The following NCOA7 variants were observed in gnomAD, a reference collection of about 807,000 sequenced individuals.
NCOA7 encodes 140 kDa estrogen receptor-associated protein.
NCOA7 carries 45 observed loss-of-function variants against 104.3 expected under a neutral mutation model. The ratio of observed to expected loss-of-function variants is 0.43; its 90% CI spans 0.34 to 0.55. NCOA7 has a LOEUF of 0.55. Among genes scored for constraint, NCOA7 ranks in the 20% least tolerant of loss-of-function variants. The probability of loss-of-function intolerance (pLI) is 0.02; values close to 1 mark genes in which losing one functional copy is unlikely to be tolerated. For missense variants in NCOA7, 1,041 were observed against 1,119.7 expected, an observed-to-expected ratio of 0.93 and a Z score of 1.00; for synonymous variants, 398 against 402.3, an observed-to-expected ratio of 0.99 and a Z score of 0.13.
At chr6:125,923,858 G>T (rs1026896360) in intron 13 of NCOA7, among the ~76,000 whole-genome samples, 1 of 152,172 alleles carries the variant, frequency 6.6e-6, no homozygotes, top group African/African-American at 2.4e-5. Flanking sequence ...TTGCTGTCAT[G>T]ATTTGCCTTG....
intron 11 of NCOA7, 96 bp downstream of exon 11, chr6:125,915,576 A>AG: frequency 6.9e-7 from 1 of 1,459,280 alleles, no homozygotes; most frequent in Non-Finnish European, 9.5e-7. Flanking sequence ...AAGAAACTAG[A>AG]GTCCCTGTGC....
rs139536681 is a variant in NCOA7, at chr6:125,821,340, G to A, written c.50+5936G>A. 3.6e-3 allele frequency among the ~76,000 whole-genome samples: 547 copies of A among 152,286 alleles called. 4 individuals carry two copies. The highest frequency in any genetic ancestry group is 0.012 in the African/African-American group (519 of 41,542). Reference sequence around the variant, plus strand: ...CAAAGGGGTTGAATAACTTCACTGAGATAAGATAGGCGTGTCAGGATTTGA... The same window carrying A: ...CAAAGGGGTTGAATAACTTCACTGAAATAAGATAGGCGTGTCAGGATTTGA... On this transcript the variant is annotated intron_variant, in intron 2 of 15. Coordinates refer to ENST00000392477, the MANE Select transcript of NCOA7 (RefSeq NM_181782.5).
chr6:125,801,944 A>G (rs1470117159), intron 1 of NCOA7, among the ~76,000 whole-genome samples: 1 of 152,172 alleles, frequency 6.6e-6, no homozygotes, highest in African/African-American at 2.4e-5. Flanking sequence ...AGTAATATCA[A>G]CCATTACGTA....
chr6:125,898,471 T>C (rs1785227165), intron 10 of NCOA7, among the ~76,000 whole-genome samples: 1 of 152,232 alleles, frequency 6.6e-6, no homozygotes, highest in Non-Finnish European at 1.5e-5. Flanking sequence ...TCAGAGAGCA[T>C]TAAGAGAGCA....
At chr6:125,897,722 C>T (rs1785155315) in intron 10 of NCOA7, among the ~76,000 whole-genome samples, 1 of 152,116 alleles carries the variant, frequency 6.6e-6, no homozygotes, top group African/African-American at 2.4e-5. Flanking sequence ...TCTTGTCACC[C>T]AGGCTGGAGT....
chr6:125,837,441 A>G (rs1779707736), intron 2 of NCOA7, among the ~76,000 whole-genome samples: 2 of 152,190 alleles, frequency 1.3e-5, no homozygotes, highest in African/African-American at 4.8e-5. Flanking sequence ...CAAGGGGGTA[A>G]TAAATGCCAT....
chr6:125,802,108 G>T (rs1447991600), intron 1 of NCOA7, among the ~76,000 whole-genome samples: 5 of 152,112 alleles, frequency 3.3e-5, no homozygotes, highest in African/African-American at 1.2e-4. Flanking sequence ...TCCGGGCTTT[G>T]ATATCTCAGG....
intron 3 of NCOA7, among the ~76,000 whole-genome samples, chr6:125,859,249 CAG>C (rs1438443794): frequency 2.7e-5 from 4 of 150,660 alleles, no homozygotes; most frequent in African/African-American, 7.3e-5. Context: ...AAAAAAAAAA[CAG>C]AGGCAAAAAT....
At chr6:125,833,309 G>T (rs1779335636) in intron 2 of NCOA7, among the ~76,000 whole-genome samples, 1 of 152,090 alleles carries the variant, frequency 6.6e-6, no homozygotes. Flanking sequence ...GGGGCTGGCC[G>T]GGCTTGGTGG....
At chr6:125,914,439 A>G (rs1786871061) in intron 10 of NCOA7, among the ~76,000 whole-genome samples, 1 of 152,236 alleles carries the variant, frequency 6.6e-6, no homozygotes, top group Non-Finnish European at 1.5e-5. Flanking sequence ...CTGTTAGGAT[A>G]TCAGAATTGT....
chr6:125,799,008 C>T (rs530854780), intron 1 of NCOA7, among the ~76,000 whole-genome samples: 1 of 152,148 alleles, frequency 6.6e-6, no homozygotes, highest in East Asian at 1.9e-4. Flanking sequence ...CAGCCCCAAG[C>T]CTGTTTCTTC....
chr6:125,793,343 T>G (rs1775021997), intron 1 of NCOA7, among the ~76,000 whole-genome samples: 1 of 152,240 alleles, frequency 6.6e-6, no homozygotes, highest in African/African-American at 2.4e-5. Context: ...CTCTTTACCT[T>G]GTTACTTATA....
chr6:125,889,235 C>T lies in NCOA7; in HGVS notation c.1181C>T (p.Pro394Leu), dbSNP rs1285101321. The T allele has an allele frequency of 6.2e-7, 1 of 1,613,966 alleles. No individual in the cohort carries two copies. The highest frequency in any genetic ancestry group is 8.5e-7 in the Non-Finnish European group (1 of 1,179,996). Reference sequence around the variant, plus strand: ...ACAGTGACTAAGCTCAGCAAGGAACCTTCCGACACTTCTTCTGCATTTGAA... The same window carrying T: ...ACAGTGACTAAGCTCAGCAAGGAACTTTCCGACACTTCTTCTGCATTTGAA... ...SPTVTKLSKE[P>L]SDTSSAFEST... The change falls in exon 9 of 16, where the codon CCT becomes CTT. Residue 394 changes from proline to leucine, a missense_variant. Pro to Leu is a moderately conservative substitution (Grantham distance 98). Coordinates refer to ENST00000392477, the MANE Select transcript of NCOA7 (RefSeq NM_181782.5).
intron 1 of NCOA7, among the ~76,000 whole-genome samples, chr6:125,801,039 A>G (rs1382901522): frequency 6.6e-6 from 1 of 152,256 alleles, no homozygotes; most frequent in Non-Finnish European, 1.5e-5. Context: ...CATCTCAAAA[A>G]AGAAATAACA....
upstream of NCOA7, among the ~76,000 whole-genome samples, chr6:125,788,287 A>G (rs1248799770): frequency 6.6e-6 from 1 of 152,236 alleles, no homozygotes; most frequent in Admixed American, 6.5e-5. Context: ...ACTGGACAAC[A>G]CATGCAAGGA....
chr6:125,799,014 T>C (rs1775611532), intron 1 of NCOA7, among the ~76,000 whole-genome samples: 2 of 152,152 alleles, frequency 1.3e-5, no homozygotes, highest in Admixed American at 1.3e-4. Flanking sequence ...CAAGCCTGTT[T>C]CTTCAAGAAT....
At chr6:125,812,730 C>T (rs1421629163) in intron 1 of NCOA7, among the ~76,000 whole-genome samples, 3 of 152,178 alleles carry the variant, frequency 2.0e-5, no homozygotes, top group South Asian at 2.1e-4. Context: ...TGTCCACAAC[C>T]GATTTCTTAC....
At chr6:125,900,886 C>T (rs1273266040) in intron 10 of NCOA7, among the ~76,000 whole-genome samples, 2 of 151,960 alleles carry the variant, frequency 1.3e-5, no homozygotes, top group African/African-American at 2.4e-5. Flanking sequence ...TGGAAGAGGC[C>T]CTACAGTGCA....
intron 1 of NCOA7, among the ~76,000 whole-genome samples, chr6:125,795,144 T>C (rs1775198039): frequency 6.6e-6 from 1 of 152,212 alleles, no homozygotes; most frequent in Non-Finnish European, 1.5e-5. Context: ...AGGCTTGATA[T>C]ATTTATCACC....
Sources: gnomAD v4.1 joint callset for allele counts (sites outside exome capture counted in the v4.1 genomes callset) on GRCh38, gnomAD v4.1.1 for gene constraint, MANE v1.5 for transcripts, NCBI Gene and HGNC (gene_info 2026-07-23, HGNC 2026-07-21) for gene names.